The following PDE10A variants were observed in gnomAD, a reference collection of about 807,000 sequenced individuals.
PDE10A encodes the protein phosphodiesterase 10A.
In PDE10A, 39 loss-of-function variants were observed where a neutral mutation model predicts 97.7. The ratio of observed to expected loss-of-function variants is 0.40; its 90% CI spans 0.31 to 0.52. The LOEUF is 0.52. Ranked by LOEUF, PDE10A falls within the 20% of genes least tolerant of loss-of-function variation. The probability of loss-of-function intolerance (pLI) is 0.56; values close to 1 mark genes in which losing one functional copy is unlikely to be tolerated. For synonymous variants in PDE10A, 371 were observed against 376.8 expected (o/e 0.98, Z 0.18); for missense variants, 731 against 1,047.8 (o/e 0.70, Z 4.17).
chr6:165,886,746 T>C (rs1263581521), intron 1 of PDE10A, among the ~76,000 whole-genome samples: 1 of 152,154 alleles, frequency 6.6e-6, no homozygotes, highest in Non-Finnish European at 1.5e-5. Context: ...GTCAGACTGG[T>C]AGCACCAAGA....
chr6:165,394,173 C>A (rs536970550), intron 15 of PDE10A, among the ~76,000 whole-genome samples: 1 of 152,016 alleles, frequency 6.6e-6, no homozygotes, highest in African/African-American at 2.4e-5. Context: ...ACCCATCAAC[C>A]CTTCATCTAC....
chr6:165,501,318 T>C (rs1358894898), intron 2 of PDE10A, among the ~76,000 whole-genome samples: 1 of 152,116 alleles, frequency 6.6e-6, no homozygotes, highest in Non-Finnish European at 1.5e-5. Flanking sequence ...TCCCAGCACT[T>C]TGGGAGGCCC....
chr6:165,943,001 T>C (rs1221941342), intron 1 of PDE10A, among the ~76,000 whole-genome samples: 1 of 151,422 alleles, frequency 6.6e-6, no homozygotes, highest in Non-Finnish European at 1.5e-5. Context: ...CACACATGCA[T>C]TTCATCAAGA....
intron 1 of PDE10A, among the ~76,000 whole-genome samples, chr6:165,964,147 C>A (rs1355980811): frequency 6.6e-6 from 1 of 152,310 alleles, no homozygotes; most frequent in East Asian, 1.9e-4. Flanking sequence ...ATTTAACCCA[C>A]TTCTTCATTA....
At chr6:165,795,305 T>C (rs1778798880) in intron 1 of PDE10A, among the ~76,000 whole-genome samples, 1 of 152,212 alleles carries the variant, frequency 6.6e-6, no homozygotes, top group South Asian at 2.1e-4. Context: ...CATCAAGCTG[T>C]CTGCAAGGGT....
intron 1 of PDE10A, among the ~76,000 whole-genome samples, chr6:165,728,291 C>A (rs1323890795): frequency 6.6e-6 from 1 of 152,164 alleles, no homozygotes; most frequent in Non-Finnish European, 1.5e-5. Context: ...GCTTCTGATG[C>A]AAAACCAGAA....
chr6:165,416,826 G>C (rs1384321364), intron 11 of PDE10A, among the ~76,000 whole-genome samples: 1 of 152,140 alleles, frequency 6.6e-6, no homozygotes, highest in Non-Finnish European at 1.5e-5. Flanking sequence ...GCACTATACA[G>C]AAATAACGCA....
chr6:165,831,244 C>T (rs1429789005), intron 1 of PDE10A, among the ~76,000 whole-genome samples: 3 of 150,992 alleles, frequency 2.0e-5, no homozygotes, highest in African/African-American at 4.9e-5. Context: ...TGGTGGTAGG[C>T]GCCTGCAGTC....
chr6:165,900,529 A>C (rs192292460), intron 1 of PDE10A, among the ~76,000 whole-genome samples: 24 of 150,000 alleles, frequency 1.6e-4, no homozygotes, highest in African/African-American at 4.9e-5. Flanking sequence ...GGCACACATC[A>C]TCTCTCTCTC....
rs1789913978 is a variant in PDE10A at position 165,655,655 on chromosome 6, A to G, written c.865+6292T>C. ...TCCATGGACTCCCTGTATCCACGAC[A>G]TCTCCCTTCATTCATTCACCAAACT... On this transcript the variant is annotated intron_variant, in intron 1 of 21. Coordinates refer to ENST00000539869, the MANE Select transcript of PDE10A (RefSeq NM_001385079.1). This position sits in a 1 kb window ranked among gnomAD's most constrained non-coding sequence, Gnocchi z 4.5. 6.6e-6 allele frequency among the ~76,000 whole-genome samples: 1 copy of G among 152,098 alleles called. No homozygotes were observed. Among genetic ancestry groups the G allele is most frequent in the Non-Finnish European group, 1.5e-5 (1 of 68,018 alleles).
At chr6:165,389,670 G>A (rs1284854709) in intron 16 of PDE10A, among the ~76,000 whole-genome samples, 1 of 152,154 alleles carries the variant, frequency 6.6e-6, no homozygotes, top group African/African-American at 2.4e-5. Context: ...TTGACAGGTA[G>A]CAGCTACTGA....
At chr6:165,937,046 C>T (rs1783353997) in intron 1 of PDE10A, among the ~76,000 whole-genome samples, 1 of 152,218 alleles carries the variant, frequency 6.6e-6, no homozygotes, top group Non-Finnish European at 1.5e-5. Context: ...GAAGTTCTTC[C>T]TCTATGTAGT....
chr6:165,915,359 A>G (rs1028808874), intron 1 of PDE10A, among the ~76,000 whole-genome samples: 1 of 152,218 alleles, frequency 6.6e-6, no homozygotes, highest in Non-Finnish European at 1.5e-5. Context: ...AAAATAAAAT[A>G]AAATATTAAA....
chr6:165,976,374 G>A (rs1051843850), intron 1 of PDE10A, among the ~76,000 whole-genome samples: 14 of 152,088 alleles, frequency 9.2e-5, no homozygotes, highest in Non-Finnish European at 2.1e-4. Context: ...ATTCTACATT[G>A]AAAACAGGAG....
At chr6:165,909,543 G>T (rs1467043768) in intron 1 of PDE10A, among the ~76,000 whole-genome samples, 7 of 152,334 alleles carry the variant, frequency 4.6e-5, no homozygotes, top group African/African-American at 1.7e-4. Flanking sequence ...AGGTGGCTGG[G>T]AGTGACGTTA....
In PDE10A at chr6:165,806,333, C is replaced by T. The variant is rs1266498934; in HGVS notation, c.-615+181196G>A. ...CATGTGGCACGTTTGTCCAAGGCTC[C>T]GCGTTCTCCATCATGTAGGGCTGGC... On this transcript the variant is annotated intron_variant, in intron 1 of 19. Transcript: ENST00000366882. Among the ~76,000 whole-genome samples the T allele has an allele frequency of 3.3e-5, 5 of 152,174 alleles. No homozygotes were observed. The South Asian group carries it at 6.2e-4, about 19-fold the overall frequency.
Position 165,832,934 on chromosome 6 carries a change from A to AG in PDE10A, c.-615+154594dup, listed in dbSNP as rs1779965038. Among the ~76,000 whole-genome samples the AG allele has an allele frequency of 5.9e-5, 9 of 152,214 alleles. 1 individual carries two copies. Among genetic ancestry groups the AG allele is most frequent in the Admixed American group, 5.9e-4 (9 of 15,286 alleles). The stretch of plus-strand genomic sequence containing the variant: ...GGACTCTTTCATAAGGCACGATACC[A>AG]GCCCTGCCTGGTCCATGTCTAATGT... On this transcript the variant is annotated intron_variant, in intron 1 of 19. Transcript: ENST00000366882.
At chr6:165,637,565 A>G (rs377150827) in intron 1 of PDE10A, among the ~76,000 whole-genome samples, 97 of 152,340 alleles carry the variant, frequency 6.4e-4, no homozygotes, top group African/African-American at 2.1e-3. Context: ...ATTCTGGAGA[A>G]CGTCCTGTGT....
At chr6:165,333,370 C>G (rs1478386028) in intron 21 of PDE10A, among the ~76,000 whole-genome samples, 2 of 152,160 alleles carry the variant, frequency 1.3e-5, no homozygotes, top group African/African-American at 4.8e-5. Flanking sequence ...GCGAAAGCAG[C>G]AGAAATGCTA....
Sources: allele counts gnomAD v4.1 joint callset (sites outside exome capture counted in the v4.1 genomes callset), GRCh38; gene constraint gnomAD v4.1.1; non-coding constraint Gnocchi (gnomAD v3.1); transcripts MANE v1.5; gene names NCBI Gene and HGNC (gene_info 2026-07-23, HGNC 2026-07-21).